CPQ: variants seen among roughly 807,000 people sequenced by gnomAD.
CPQ encodes Ser-Met dipeptidase.
Under a neutral mutation model 45.7 loss-of-function variants are expected in CPQ, and 37 were observed. The ratio of observed to expected loss-of-function variants is 0.81; its 90% CI spans 0.62 to 1.07. The LOEUF is 1.07. CPQ is among the 50% of genes least tolerant of loss of function. The pLI is 0.00. For synonymous variants in CPQ, 186 were observed against 205.8 expected (o/e 0.90, Z 0.82); for missense variants, 537 against 572.9 (o/e 0.94, Z 0.64).
chr8:96,984,322 TATGTTGGAA>T (rs1203810456), intron 5 of CPQ, among the ~76,000 whole-genome samples: 3 of 152,180 alleles, frequency 2.0e-5, no homozygotes, highest in African/African-American at 7.2e-5. Flanking sequence ...CCAAGTTTCC[TATGTTGGAA>T]ATGTTGGAAA....
At chr8:96,744,312 G>A (rs1310481685) in intron 1 of CPQ, among the ~76,000 whole-genome samples, 2 of 152,242 alleles carry the variant, frequency 1.3e-5, no homozygotes, top group Non-Finnish European at 2.9e-5. Context: ...CCCGAGTGAG[G>A]CAATGCCTCG....
At chr8:96,911,821 T>A (rs1479874317) in intron 4 of CPQ, among the ~76,000 whole-genome samples, 2 of 152,214 alleles carry the variant, frequency 1.3e-5, no homozygotes. Flanking sequence ...TTTCTGCCAT[T>A]TCTGTGGGCA....
chr8:97,098,781 A>C (rs1811251934), intron 7 of CPQ, among the ~76,000 whole-genome samples: 1 of 152,006 alleles, frequency 6.6e-6, no homozygotes, highest in Admixed American at 6.6e-5. Context: ...ATTCCCCTTC[A>C]CAGGGGAATT....
chr8:96,701,208 A>C (rs2130745728), intron 1 of CPQ, among the ~76,000 whole-genome samples: 1 of 152,326 alleles, frequency 6.6e-6, no homozygotes, highest in South Asian at 2.1e-4. Flanking sequence ...GATTTTTGGC[A>C]AATTACTTTC....
intron 7 of CPQ, among the ~76,000 whole-genome samples, chr8:97,071,700 T>G (rs1586526409): frequency 6.6e-6 from 1 of 152,196 alleles, no homozygotes; most frequent in East Asian, 1.9e-4. Context: ...AAAGTGAAAA[T>G]CAGTATATCA....
At chr8:96,743,141 G>A (rs4565431) in intron 1 of CPQ, among the ~76,000 whole-genome samples, 81,473 of 151,652 alleles carry the variant, frequency 0.54, 23,052 homozygotes, top group East Asian at 0.87. Flanking sequence ...GTCTTTTCAC[G>A]TAGTCCCATA....
chr8:96,664,801 G>C (rs954465271), intron 1 of CPQ, among the ~76,000 whole-genome samples: 1 of 152,198 alleles, frequency 6.6e-6, no homozygotes, highest in Admixed American at 6.5e-5. Flanking sequence ...ATAGACTGGA[G>C]GTGGGGAGGC....
chr8:96,941,246 G>A (rs1813120098), intron 4 of CPQ, among the ~76,000 whole-genome samples: 1 of 152,132 alleles, frequency 6.6e-6, no homozygotes, highest in Admixed American at 6.6e-5. Context: ...ATTCAGTGGG[G>A]TAGGGGAGAA....
chr8:97,038,499 G>A (rs558143298), intron 6 of CPQ, among the ~76,000 whole-genome samples: 1 of 152,286 alleles, frequency 6.6e-6, no homozygotes, highest in East Asian at 1.9e-4. Flanking sequence ...CTGAACTGAG[G>A]CATCATGCCT....
chr8:96,937,141 C>T (rs1306936665), intron 4 of CPQ, among the ~76,000 whole-genome samples: 1 of 152,014 alleles, frequency 6.6e-6, no homozygotes, highest in Non-Finnish European at 1.5e-5. Flanking sequence ...AGGTTACACA[C>T]AAGTAAATGG....
chr8:96,697,301 T>C (rs113180192), intron 1 of CPQ, among the ~76,000 whole-genome samples: 3,690 of 152,234 alleles, frequency 0.024, 163 homozygotes, highest in African/African-American at 0.084. Context: ...ATGCTGAAAA[T>C]GTATTTGATA....
chr8:96,713,334 T>A (rs1353685311), intron 1 of CPQ, among the ~76,000 whole-genome samples: 7 of 152,226 alleles, frequency 4.6e-5, no homozygotes, highest in African/African-American at 1.7e-4. Context: ...TTTTCAGGTA[T>A]CTTTACAGCA....
rs1012988048 is a variant in CPQ at position 96,664,295 on chromosome 8, A to G, written c.-35+18893A>G. Among the ~76,000 whole-genome samples the G allele has an allele frequency of 1.6e-4, 25 of 152,242 alleles. 1 individual carries two copies. Among genetic ancestry groups the G allele is most frequent in the African/African-American group, 7.2e-5 (3 of 41,458 alleles). On this transcript the variant is annotated intron_variant, in intron 1 of 7. Coordinates refer to ENST00000220763, the MANE Select transcript of CPQ (RefSeq NM_016134.4). ...AGTTCTTTCACTGGGACAGGAGCTCAGAATGACTCTATAGGTAAAGGGATA... is the reference window on the plus strand; with the variant it reads ...AGTTCTTTCACTGGGACAGGAGCTCGGAATGACTCTATAGGTAAAGGGATA...
At chr8:96,853,261 T>C (rs932572177) in intron 3 of CPQ, among the ~76,000 whole-genome samples, 1 of 152,180 alleles carries the variant, frequency 6.6e-6, no homozygotes, top group Non-Finnish European at 1.5e-5. Flanking sequence ...GGGGCGCATA[T>C]GAAACATTCT....
intron 7 of CPQ, among the ~76,000 whole-genome samples, chr8:97,103,218 C>T (rs1238035773): frequency 6.6e-6 from 1 of 152,146 alleles, no homozygotes; most frequent in Non-Finnish European, 1.5e-5. Flanking sequence ...GTGACACTCA[C>T]GGGCCCTAGG....
chr8:96,714,071 C>T (rs1044613001), intron 1 of CPQ, among the ~76,000 whole-genome samples: 1 of 152,066 alleles, frequency 6.6e-6, no homozygotes, highest in Admixed American at 6.5e-5. Context: ...TCTTAGAATT[C>T]TTTCCTTCAT....
At chr8:96,654,183 A>G (rs374228815) in intron 1 of CPQ, among the ~76,000 whole-genome samples, 7 of 152,316 alleles carry the variant, frequency 4.6e-5, no homozygotes, top group Middle Eastern at 3.4e-3. Context: ...TCTTCTGTCA[A>G]TTCCTCTGGT....
intron 1 of CPQ, among the ~76,000 whole-genome samples, chr8:96,727,920 A>G (rs1809865611): frequency 6.6e-6 from 1 of 152,224 alleles, no homozygotes; most frequent in East Asian, 1.9e-4. Flanking sequence ...TTTAATATTT[A>G]GAAACACTAT....
chr8:96,657,650 C>A (rs940062087), intron 1 of CPQ, among the ~76,000 whole-genome samples: 1 of 152,120 alleles, frequency 6.6e-6, no homozygotes, highest in Non-Finnish European at 1.5e-5. Flanking sequence ...CCTCTTATAA[C>A]ATTTATGAGA....
Sources: allele counts gnomAD v4.1 joint callset (sites outside exome capture counted in the v4.1 genomes callset), GRCh38; gene constraint gnomAD v4.1.1; transcripts MANE v1.5; gene names NCBI Gene and HGNC (gene_info 2026-07-23, HGNC 2026-07-21).